The following KLHL6 variants were observed in gnomAD, a reference collection of about 807,000 sequenced individuals.
KLHL6 encodes kelch like family member 6.
In KLHL6, 41 loss-of-function variants were observed where a neutral mutation model predicts 58.6. That is an observed-to-expected ratio of 0.70 (90% CI 0.55 to 0.91). The LOEUF is 0.91. Among genes scored for constraint, KLHL6 ranks in the 40% least tolerant of loss-of-function variants. The pLI is 0.00. For synonymous variants in KLHL6, 338 were observed against 322.7 expected (o/e 1.05, Z -0.51); for missense variants, 714 against 805.6 (o/e 0.89, Z 1.38).
At chr3:183,555,297 C>G in intron 1 of KLHL6, 64 bp downstream of exon 1, 2 of 1,418,472 alleles carry the variant, frequency 1.4e-6, no homozygotes, top group South Asian at 2.5e-5. Context: ...ATTGGGCTCT[C>G]ACACTAACAC....
At chr3:183,514,856 G>T (rs1407030988) in intron 2 of KLHL6, among the ~76,000 whole-genome samples, 1 of 152,014 alleles carries the variant, frequency 6.6e-6, no homozygotes, top group Non-Finnish European at 1.5e-5. Context: ...TTTTAGTACA[G>T]ATGGGGTTTC....
At chr3:183,539,521 A>G (rs937905483) in intron 1 of KLHL6, among the ~76,000 whole-genome samples, 5 of 152,128 alleles carry the variant, frequency 3.3e-5, no homozygotes, top group African/African-American at 1.2e-4. Context: ...CAGCCTGGCC[A>G]ACACAGTGAA....
chr3:183,527,001 G>A (rs962584791), intron 2 of KLHL6, among the ~76,000 whole-genome samples: 9 of 151,814 alleles, frequency 5.9e-5, no homozygotes, highest in African/African-American at 1.7e-4. Context: ...TGGGAGGCTA[G>A]GGCAGGAGAA....
At chr3:183,533,340 T>C (rs1329375650) in intron 1 of KLHL6, among the ~76,000 whole-genome samples, 1 of 149,232 alleles carries the variant, frequency 6.7e-6, no homozygotes, top group African/African-American at 2.6e-5. Context: ...CTTCCTTTCT[T>C]CCTTTCTTTC....
intron 1 of KLHL6, among the ~76,000 whole-genome samples, chr3:183,530,659 C>T (rs1712125402): frequency 6.6e-6 from 1 of 151,824 alleles, no homozygotes; most frequent in Non-Finnish European, 1.5e-5. Context: ...GAAGAGAACG[C>T]CAAAAATGTG....
At chr3:183,538,856 ATCCTG>A (rs2108691782) in intron 1 of KLHL6, among the ~76,000 whole-genome samples, 1 of 152,264 alleles carries the variant, frequency 6.6e-6, no homozygotes, top group African/African-American at 2.4e-5. Context: ...TATCATATGG[ATCCTG>A]TCTCAATACT....
intron 1 of KLHL6, among the ~76,000 whole-genome samples, chr3:183,542,667 A>G (rs1294855824): frequency 2.0e-5 from 3 of 152,138 alleles, no homozygotes; most frequent in African/African-American, 7.2e-5. Context: ...CAGCTCCACC[A>G]TAACCCCTGT....
In KLHL6 at chr3:183,499,973, T is replaced by C. The variant is rs1717827586; in HGVS notation, c.910-146A>G. ...ACCTCCCTGAGCCTCAGTTTCATCATCTGTATAATCGGGATAGCAGAGGTA... is the reference window on the plus strand; with the variant it reads ...ACCTCCCTGAGCCTCAGTTTCATCACCTGTATAATCGGGATAGCAGAGGTA... On this transcript the variant is annotated intron_variant, in intron 3 of 6. Transcript: ENST00000341319. The surrounding 1 kb of genome is among the most constrained non-coding windows in gnomAD (Gnocchi z 4.6). The C allele has an allele frequency of 5.1e-6, 3 of 591,794 alleles. No individual in the cohort carries two copies. Among genetic ancestry groups the C allele is most frequent in the Non-Finnish European group, 8.8e-6 (3 of 342,728 alleles). The allele number at this position is 591,794 out of a possible 1,614,324, so 36.7% of individuals were successfully genotyped here.
Position 183,499,818 on chromosome 3 carries a change from C to T in KLHL6, c.919G>A (p.Glu307Lys), listed in dbSNP as rs759587354. The T allele has an allele frequency of 6.3e-7, 1 of 1,575,906 alleles. No homozygotes were observed. Among genetic ancestry groups the T allele is most frequent in the Admixed American group, 1.8e-5 (1 of 54,074 alleles). ...YHLSGNEIIS[E>K]RTKPRMHEFQ... is the part of the protein sequence containing the mutation. ...TCATGCATCCTGGGCTTGGTGCGTT[C>T]CGAAATGATCTGGAAATCGATGGGG... The change falls in exon 4 of 7, where the codon GAA becomes AAA. Residue 307 changes from glutamate to lysine, a missense_variant. This residue lies in a region of KLHL6 where 510 missense variants were observed against 629.7 expected (regional missense o/e 0.81). Coordinates refer to ENST00000341319, the MANE Select transcript of KLHL6 (RefSeq NM_130446.4). This position sits in a 1 kb window ranked among gnomAD's most constrained non-coding sequence, Gnocchi z 4.6.
At chr3:183,521,568 G>A (rs973676787) in intron 2 of KLHL6, 4 of 152,272 alleles carry the variant, frequency 2.6e-5, no homozygotes, top group Non-Finnish European at 4.4e-5. Context: ...CACAGGCTAC[G>A]CACAGGACCA....
intron 1 of KLHL6, among the ~76,000 whole-genome samples, chr3:183,544,976 A>C (rs1712673343): frequency 6.6e-6 from 1 of 152,084 alleles, no homozygotes; most frequent in Non-Finnish European, 1.5e-5. Flanking sequence ...TTTTCCCTCC[A>C]GAGCCAAGGC....
In KLHL6 at chr3:183,508,127, T is replaced by A; in HGVS notation, c.841A>T (p.Ile281Phe). ...GGGAAGACCTCTGGGCACTGCCTGA[T>A]GAGAGGATCTGCTTCCACCGTCTCC... The part of the protein sequence containing the change: ...FVETVEADPL[I>F]RQCPEVFPLL... Residue 281 changes from isoleucine (I) to phenylalanine (F), a missense_variant, in exon 3 of 7, where the codon ATC becomes TTC. Transcript: ENST00000341319. 6.2e-7 allele frequency: 1 copy of A among 1,614,170 alleles called. No homozygotes were observed. The highest frequency in any genetic ancestry group is 8.5e-7 in the Non-Finnish European group (1 of 1,180,028).
At chr3:183,540,148 C>T (rs970540526) in intron 1 of KLHL6, among the ~76,000 whole-genome samples, 1 of 152,178 alleles carries the variant, frequency 6.6e-6, no homozygotes, top group African/African-American at 2.4e-5. Context: ...TAGGAAGAAG[C>T]CAATTCAATT....
rs149986662 is a variant in KLHL6 at position 183,531,840 on chromosome 3, C to T, written c.294-3830G>A. 9.8e-3 allele frequency among the ~76,000 whole-genome samples: 1,491 copies of T among 152,324 alleles called. 14 individuals are homozygous for T. The highest frequency in any genetic ancestry group is 0.014 in the Non-Finnish European group (958 of 68,030). The stretch of plus-strand genomic sequence containing the variant: ...GAAGCATACATCTTGTCTTGTTCCA[C>T]AGGTTCACAGCTGGTGAGGAATTTT... On this transcript the variant is annotated intron_variant, in intron 1 of 6. Coordinates refer to ENST00000341319, the MANE Select transcript of KLHL6 (RefSeq NM_130446.4).
intron 3 of KLHL6, among the ~76,000 whole-genome samples, chr3:183,504,292 C>T (rs1030904480): frequency 1.3e-5 from 2 of 152,130 alleles, no homozygotes; most frequent in African/African-American, 4.8e-5. Context: ...TATTATTACC[C>T]CCATGTTACA....
chr3:183,516,438 A>G (rs1392138579), intron 2 of KLHL6, among the ~76,000 whole-genome samples: 2 of 152,276 alleles, frequency 1.3e-5, no homozygotes, highest in South Asian at 2.1e-4. Context: ...GGCAAAAGAC[A>G]GCCAGCTTCC....
intron 1 of KLHL6, among the ~76,000 whole-genome samples, chr3:183,539,079 T>A (rs1352723006): frequency 1.3e-5 from 2 of 152,196 alleles, no homozygotes; most frequent in Admixed American, 6.5e-5. Context: ...TGGCTCCGAC[T>A]CATAATTCCT....
rs1472129144 is a variant in KLHL6, at chr3:183,492,072, G to A, written c.1721C>T (p.Ala574Val). Reference protein sequence around the residue: ...GGRDEKNEVIATVLCWDPEAQ... With the variant: ...GGRDEKNEVIVTVLCWDPEAQ... ...CTCGGGGTCCCAGCACAGCACCGTG[G>A]CGATAACCTCGTTCTTCTCGTCCCG... The change falls in exon 7 of 7, where the codon GCC becomes GTC. Residue 574 changes from alanine (A) to valine (V), a missense_variant. Ala to Val is a moderately conservative substitution (Grantham distance 64). Coordinates refer to ENST00000341319, the MANE Select transcript of KLHL6 (RefSeq NM_130446.4). This position sits in a 1 kb window ranked among gnomAD's most constrained non-coding sequence, Gnocchi z 5.9. 6.2e-7 allele frequency: 1 copy of A among 1,613,996 alleles called. No individual in the cohort carries two copies. Among genetic ancestry groups the A allele is most frequent in the Non-Finnish European group, 8.5e-7 (1 of 1,180,012 alleles).
At chr3:183,529,713 A>C (rs1712095529) in intron 1 of KLHL6, among the ~76,000 whole-genome samples, 1 of 151,912 alleles carries the variant, frequency 6.6e-6, no homozygotes, top group Non-Finnish European at 1.5e-5. Flanking sequence ...TGAACCCAGG[A>C]GGCAGAGGTT....
Sources: gnomAD v4.1 joint callset for allele counts (sites outside exome capture counted in the v4.1 genomes callset) on GRCh38, gnomAD v4.1.1 for gene constraint, gnomAD v4.1.1 regional missense constraint, Gnocchi (gnomAD v3.1) non-coding constraint, MANE v1.5 for transcripts, NCBI Gene and HGNC (gene_info 2026-07-23, HGNC 2026-07-21) for gene names.